Variants in ADAMTSL1 observed in about 807,000 individuals in gnomAD.
The protein encoded by ADAMTSL1 is ADAMTS-like protein 1.
A neutral mutation model predicts 201.8 loss-of-function variants in ADAMTSL1; 126 were observed. That is an observed-to-expected ratio of 0.62 (90% CI 0.54 to 0.72). The LOEUF (loss-of-function observed/expected upper bound fraction) is 0.72, where lower values mean the gene tolerates loss of function less well. Ranked by LOEUF, ADAMTSL1 falls within the 30% of genes least tolerant of loss-of-function variation. ADAMTSL1 has a pLI of 0.00. For synonymous variants in ADAMTSL1, 1,121 were observed against 903.4 expected (o/e 1.24, Z -4.32); for missense variants, 2,679 against 2,277.8 (o/e 1.18, Z -3.59).
intron 18 of ADAMTSL1, 141 bp from the exon 19 acceptor site, chr9:18,776,640 C>A: frequency 9.9e-7 from 1 of 1,008,540 alleles, no homozygotes; most frequent in East Asian, 2.7e-5. Context: ...TACTTTCTCT[C>A]CCGTCCTCCG....
chr9:18,600,916 G>C (rs1250390311), intron 4 of ADAMTSL1, among the ~76,000 whole-genome samples: 5 of 152,010 alleles, frequency 3.3e-5, no homozygotes, highest in African/African-American at 1.2e-4. Flanking sequence ...CTTTCTTCCT[G>C]TTGATTCCAA....
intron 1 of ADAMTSL1, among the ~76,000 whole-genome samples, chr9:18,009,752 T>C (rs1819975623): frequency 1.3e-5 from 2 of 151,998 alleles, no homozygotes. Context: ...GTGTGTAAGA[T>C]CAAGTTTAAA....
At chr9:17,989,247 T>C (rs947810899) in intron 1 of ADAMTSL1, among the ~76,000 whole-genome samples, 1 of 151,974 alleles carries the variant, frequency 6.6e-6, no homozygotes, top group Non-Finnish European at 1.5e-5. Flanking sequence ...ATTCTCATCT[T>C]CTTATGTTTG....
rs538364204 is a variant in ADAMTSL1 at position 18,143,939 on chromosome 9, T to C, written c.88-19923T>C. Among the ~76,000 whole-genome samples the C allele has an allele frequency of 6.6e-5, 10 of 152,298 alleles. No homozygotes were observed. The East Asian group carries it at 1.7e-3, about 26-fold the overall frequency. The stretch of plus-strand genomic sequence containing the variant: ...AAATGGGGAGGGGGCAGATAAAATA[T>C]GTTTTAAGACTTTCCAAAAGATTTC... On this transcript the variant is annotated intron_variant, in intron 1 of 29. Coordinates refer to the ADAMTSL1 transcript ENST00000680146.
At chr9:18,189,887 A>G (rs556651986) in intron 2 of ADAMTSL1, among the ~76,000 whole-genome samples, 1 of 152,320 alleles carries the variant, frequency 6.6e-6, no homozygotes, top group Admixed American at 6.5e-5. Flanking sequence ...GTATTATTCA[A>G]TAAGTCATTC....
At chr9:18,617,139 T>C (rs981550465) in intron 4 of ADAMTSL1, among the ~76,000 whole-genome samples, 2 of 152,230 alleles carry the variant, frequency 1.3e-5, no homozygotes, top group African/African-American at 2.4e-5. Context: ...GGCTCAGTAT[T>C]TGATGCTAGA....
intron 4 of ADAMTSL1, among the ~76,000 whole-genome samples, chr9:18,600,782 A>G (rs1474735009): frequency 6.6e-6 from 1 of 152,176 alleles, no homozygotes; most frequent in Admixed American, 6.5e-5. Flanking sequence ...AAGAGCAACT[A>G]CTCAAATTTT....
intron 2 of ADAMTSL1, among the ~76,000 whole-genome samples, chr9:18,195,745 A>C (rs548316956): frequency 6.6e-6 from 1 of 152,278 alleles, no homozygotes; most frequent in Admixed American, 6.5e-5. Flanking sequence ...GGTAATGGAC[A>C]TAAGACATTA....
intron 2 of ADAMTSL1, among the ~76,000 whole-genome samples, chr9:18,207,431 C>T (rs1322746192): frequency 6.6e-6 from 1 of 152,074 alleles, no homozygotes; most frequent in African/African-American, 2.4e-5. Flanking sequence ...AGTTAGTGAC[C>T]AAACTGGGAT....
intron 23 of ADAMTSL1, among the ~76,000 whole-genome samples, chr9:18,887,336 T>C (rs746612389): frequency 3.3e-5 from 5 of 152,322 alleles, no homozygotes; most frequent in East Asian, 1.9e-4. Flanking sequence ...ATGTCTAAAA[T>C]TGCTTTCCTA....
chr9:18,410,672 C>T (rs1321731260), intron 2 of ADAMTSL1, among the ~76,000 whole-genome samples: 1 of 152,096 alleles, frequency 6.6e-6, no homozygotes, highest in Non-Finnish European at 1.5e-5. Context: ...AATAGTGCTA[C>T]AATGAACAAA....
At chr9:18,740,025 C>G (rs1034616188) in intron 15 of ADAMTSL1, among the ~76,000 whole-genome samples, 7 of 152,066 alleles carry the variant, frequency 4.6e-5, no homozygotes, top group African/African-American at 1.4e-4. Context: ...GAGACAGAGA[C>G]AGGGAGATCT....
At chr9:18,224,867 A>G (rs79053476) in intron 2 of ADAMTSL1, among the ~76,000 whole-genome samples, 2 of 152,118 alleles carry the variant, frequency 1.3e-5, no homozygotes, top group African/African-American at 4.8e-5. Context: ...AGTTTACACA[A>G]CCTTCTGTCC....
chr9:18,180,827 A>G (rs940756311), intron 2 of ADAMTSL1, among the ~76,000 whole-genome samples: 4 of 152,208 alleles, frequency 2.6e-5, no homozygotes, highest in Non-Finnish European at 4.4e-5. Context: ...CGCATCGCCA[A>G]GTCAATCCTA....
intron 12 of ADAMTSL1, among the ~76,000 whole-genome samples, chr9:18,684,199 A>G (rs1830687046): frequency 6.6e-6 from 1 of 152,218 alleles, no homozygotes; most frequent in Non-Finnish European, 1.5e-5. Context: ...GCCTTGGGGT[A>G]GTACTGAATG....
At chr9:18,098,495 T>G (rs1041924522) in intron 1 of ADAMTSL1, among the ~76,000 whole-genome samples, 4 of 152,214 alleles carry the variant, frequency 2.6e-5, no homozygotes, top group Non-Finnish European at 5.9e-5. Flanking sequence ...TTGTAAGTGA[T>G]ATTGTTTTAA....
At chr9:18,267,787 CAAAAAA>C (rs1587431293) in intron 2 of ADAMTSL1, among the ~76,000 whole-genome samples, 22 of 124,514 alleles carry the variant, frequency 1.8e-4, no homozygotes, top group Middle Eastern at 4.1e-3. Context: ...AAAACAAAAA[CAAAAAA>C]ACCTTAATCT....
chr9:18,560,254 C>G (rs1056165970), intron 3 of ADAMTSL1, among the ~76,000 whole-genome samples: 4 of 152,164 alleles, frequency 2.6e-5, no homozygotes, highest in Admixed American at 6.5e-5. Context: ...TTTTCTGCAT[C>G]TATTGAGACA....
rs563759055 is a variant in ADAMTSL1, at chr9:18,152,165, G to T, written c.88-11697G>T. 6.6e-5 allele frequency among the ~76,000 whole-genome samples: 10 copies of T among 152,158 alleles called. No homozygotes were observed. In the South Asian group the frequency reaches 2.1e-3, roughly 32 times the overall value. On this transcript the variant is annotated intron_variant, in intron 1 of 29. Coordinates refer to the ADAMTSL1 transcript ENST00000680146. The stretch of plus-strand genomic sequence containing the variant: ...TTTACTCAAAGCACACAGCAGAGAG[G>T]TGGTAAACCAGGACTTCCACCCAGG...
Sources: allele counts gnomAD v4.1 joint callset (sites outside exome capture counted in the v4.1 genomes callset), GRCh38; gene constraint gnomAD v4.1.1; transcripts MANE v1.5; gene names NCBI Gene and HGNC (gene_info 2026-07-23, HGNC 2026-07-21).